Variants in MADD observed in about 807,000 individuals in gnomAD.
The protein encoded by MADD is MAP kinase activating death domain, also known as MAP kinase-activating death domain protein.
MADD carries 109 observed loss-of-function variants against 176.7 expected under a neutral mutation model. The observed-to-expected ratio is 0.62, with a 90% CI of 0.53 to 0.72. The LOEUF (loss-of-function observed/expected upper bound fraction) is 0.72, where lower values mean the gene tolerates loss of function less well. Among genes scored for constraint, MADD ranks in the 30% least tolerant of loss-of-function variants. MADD has a pLI of 0.00. For synonymous variants in MADD, 771 were observed against 771.3 expected (o/e 1.00, Z 0.01); for missense variants, 1,914 against 2,045.5 (o/e 0.94, Z 1.24).
At chr11:47,323,835 G>T (rs771249557) in exon 28 of MADD, 8 of 1,613,922 alleles carry the variant, frequency 5.0e-6, no homozygotes, top group Non-Finnish European at 8.5e-7. Context: ...ATACTAAAAA[G>T]GTACGCAGGA....
intron 5 of MADD, among the ~76,000 whole-genome samples, chr11:47,277,305 T>G (rs1033484237): frequency 3.9e-5 from 6 of 152,222 alleles, no homozygotes; most frequent in Admixed American, 1.3e-4. Context: ...TATTTGGTGT[T>G]TTTTGGAGAC....
At chr11:47,326,863 C>G in intron 31 of MADD, 56 bp downstream of exon 35, 1 of 1,609,350 alleles carries the variant, frequency 6.2e-7, no homozygotes. Flanking sequence ...ACTCAAACCT[C>G]GGAGCTCCAG....
chr11:47,329,797 C>G (rs554306098), exon 33 of MADD: 1 of 153,480 alleles, frequency 6.5e-6, no homozygotes. Context: ...ATGGAGTGGT[C>G]GAGGCTAGTG....
chr11:47,270,867 G>A (rs1343695946), intron 1 of MADD: 1 of 152,324 alleles, frequency 6.6e-6, no homozygotes, highest in Non-Finnish European at 1.5e-5. Flanking sequence ...GTGCTGATGA[G>A]CTTGCAAGGT....
At chr11:47,327,299 C>T (rs1035981738) in intron 31 of MADD, 10 of 989,406 alleles carry the variant, frequency 1.0e-5, no homozygotes, top group East Asian at 1.1e-4. Context: ...AGGAGTCTAG[C>T]GGGACAGCTG....
chr11:47,324,446 C>A, intron 29 of MADD, 25 bp from the exon 33 acceptor site: 1 of 1,598,906 alleles, frequency 6.3e-7, no homozygotes, highest in Non-Finnish European at 8.6e-7. Context: ...CACCAGTGAG[C>A]TGATAGCCCC....
chr11:47,297,587 C>T (rs960190301), intron 22 of MADD, among the ~76,000 whole-genome samples: 26 of 151,270 alleles, frequency 1.7e-4, no homozygotes, highest in Non-Finnish European at 2.8e-4. Context: ...GCTGGGACTA[C>T]GGGTGCCCGC....
At chr11:47,320,120 TACC>T (rs1297704523) in intron 27 of MADD, among the ~76,000 whole-genome samples, 1 of 151,660 alleles carries the variant, frequency 6.6e-6, no homozygotes, top group Non-Finnish European at 1.5e-5. Flanking sequence ...TCGTATGGTG[TACC>T]ATAATTGGTT....
intron 15 of MADD, 71 bp from the exon 16 acceptor site, chr11:47,288,897 A>T (rs1283242644): frequency 1.8e-6 from 2 of 1,084,294 alleles, no homozygotes; most frequent in Non-Finnish European, 2.7e-6. Flanking sequence ...TATCTGGCTT[A>T]CTGCTCCTCG....
intron 4 of MADD, among the ~76,000 whole-genome samples, chr11:47,276,462 T>C (rs1209512716): frequency 1.3e-5 from 2 of 152,196 alleles, no homozygotes; most frequent in Non-Finnish European, 2.9e-5. Context: ...TTTGGAAATA[T>C]CAGTAGTTCT....
intron 27 of MADD, among the ~76,000 whole-genome samples, chr11:47,318,075 T>C (rs2093578684): frequency 6.6e-6 from 1 of 152,160 alleles, no homozygotes; most frequent in Non-Finnish European, 1.5e-5. Context: ...TGGCTACTTT[T>C]ATATAATTAA....
At chr11:47,287,876 C>T (rs915304292) in intron 15 of MADD, among the ~76,000 whole-genome samples, 4 of 150,022 alleles carry the variant, frequency 2.7e-5, no homozygotes, top group Non-Finnish European at 5.9e-5. Flanking sequence ...CTGCAAGCTC[C>T]GCCTCCCGGG....
In MADD at chr11:47,282,665, C is replaced by A. The variant is rs776128100; in HGVS notation, c.1705+49C>A. 36 of 1,598,778 alleles carry A rather than the reference C, an allele frequency of 2.3e-5. No homozygotes were observed. In the African/African-American group the frequency reaches 4.2e-4, roughly 18 times the overall value. ...CGCTCTGCCTTGTGCCTCTGTCCTC[C>A]TGATGGACTTTGATTTTTCCTTTGC... On this transcript the variant is annotated intron_variant, in intron 9 of 32. Transcript: ENST00000402192.
chr11:47,284,347 T>A (rs1399849030), intron 11 of MADD, 28 bp from the exon 12 acceptor site: 1 of 1,614,026 alleles, frequency 6.2e-7, no homozygotes, highest in South Asian at 1.1e-5. Context: ...TGGAGTGGTC[T>A]GTACCTGCCT....
At chr11:47,286,945 C>T (rs2061076411) in intron 15 of MADD, among the ~76,000 whole-genome samples, 1 of 152,186 alleles carries the variant, frequency 6.6e-6, no homozygotes, top group Non-Finnish European at 1.5e-5. Flanking sequence ...AGCACAGCCT[C>T]TCACCTCTCA....
At chr11:47,322,590 C>G (rs965784623) in intron 27 of MADD, among the ~76,000 whole-genome samples, 1 of 151,894 alleles carries the variant, frequency 6.6e-6, no homozygotes, top group Admixed American at 6.6e-5. Context: ...CCAGCCTGGG[C>G]GACAGAGCGA....
intron 22 of MADD, among the ~76,000 whole-genome samples, chr11:47,297,789 C>CTTTTTTTTT (rs35063043): frequency 1.8e-5 from 2 of 113,386 alleles, no homozygotes; most frequent in South Asian, 2.8e-4. Context: ...TTCTTTCTTT[C>CTTTTTTTTT]TTTTTTTTTT....
At chr11:47,305,361 G>A (rs2081778206) in intron 22 of MADD, among the ~76,000 whole-genome samples, 3 of 152,132 alleles carry the variant, frequency 2.0e-5, no homozygotes, top group Admixed American at 2.0e-4. Flanking sequence ...TGCCCACAGA[G>A]CCAGGATCTG....
intron 15 of MADD, among the ~76,000 whole-genome samples, chr11:47,287,637 T>C (rs1207480016): frequency 6.6e-6 from 1 of 152,164 alleles, no homozygotes; most frequent in Non-Finnish European, 1.5e-5. Context: ...CTTGAACTCC[T>C]GACCTTGAGT....
Sources: allele counts gnomAD v4.1 joint callset (sites outside exome capture counted in the v4.1 genomes callset), GRCh38; gene constraint gnomAD v4.1.1; transcripts MANE v1.5; gene names NCBI Gene and HGNC (gene_info 2026-07-23, HGNC 2026-07-21).